Variants in LINGO2 observed in about 807,000 individuals in gnomAD.
LINGO2 encodes leucine-rich repeat and immunoglobulin-like domain-containing nogo receptor-interacting protein 2.
LINGO2 carries 14 observed loss-of-function variants against 30.6 expected under a neutral mutation model. The observed-to-expected ratio is 0.46, with a 90% confidence interval of 0.30 to 0.72. The LOEUF is 0.72. LINGO2 is among the 30% of genes least tolerant of loss of function. LINGO2 has a pLI of 0.07. For synonymous variants in LINGO2, 317 were observed against 288.5 expected (o/e 1.10, Z -1.00); for missense variants, 729 against 751.7 (o/e 0.97, Z 0.35).
the LINGO2 span, among the ~76,000 whole-genome samples, chr9:28,885,620 C>T: frequency 6.3e-4 from 95 of 151,988 alleles, no homozygotes; most frequent in East Asian, 0.017. Context: ...ATAAAAAATG[C>T]ATTTGAAGTA....
chr9:28,698,170 G>C, the LINGO2 span, among the ~76,000 whole-genome samples: 3,672 of 151,918 alleles, frequency 0.024, 157 homozygotes, highest in African/African-American at 0.081. Flanking sequence ...CTGAGATGAT[G>C]GACATTGGTT....
At chr9:28,520,990 G>T (rs950549177) in intron 1 of LINGO2, among the ~76,000 whole-genome samples, 1 of 152,012 alleles carries the variant, frequency 6.6e-6, no homozygotes, top group South Asian at 2.1e-4. Flanking sequence ...GTTCTCAATG[G>T]CTGGATGTGT....
At chr9:28,615,037 G>T (rs1826078100) in intron 1 of LINGO2, among the ~76,000 whole-genome samples, 2 of 151,990 alleles carry the variant, frequency 1.3e-5, no homozygotes. Context: ...CATCTTCTTT[G>T]TATGGAAAAT....
intron 2 of LINGO2, among the ~76,000 whole-genome samples, chr9:28,392,483 G>A (rs1405417787): frequency 6.6e-6 from 1 of 152,150 alleles, no homozygotes; most frequent in Non-Finnish European, 1.5e-5. Context: ...CCTCATATGG[G>A]TGATGTTAAA....
chr9:29,181,748 C>T, the LINGO2 span, among the ~76,000 whole-genome samples: 1 of 151,926 alleles, frequency 6.6e-6, no homozygotes, highest in South Asian at 2.1e-4. Context: ...TAGAGCCAGC[C>T]AATGTGACGT....
At chr9:28,170,056 G>C (rs923068271) in intron 4 of LINGO2, among the ~76,000 whole-genome samples, 53 of 152,180 alleles carry the variant, frequency 3.5e-4, no homozygotes, top group African/African-American at 1.3e-3. Context: ...GAAGTTCCAA[G>C]GAGGCAAGAA....
At chr9:28,083,921 G>C (rs72724973) in intron 4 of LINGO2, among the ~76,000 whole-genome samples, 13,334 of 151,974 alleles carry the variant, frequency 0.088, 824 homozygotes, top group Middle Eastern at 0.18. Flanking sequence ...AAATAATAAG[G>C]GTAATTGTAC....
rs72213590 is a variant in LINGO2, at chr9:28,441,251, C to CT, written c.-279+34688dup. On this transcript the variant is annotated intron_variant, in intron 2 of 5. Transcript: ENST00000379992. ...TATAGCAGTATAAATTCATTGGAGGCTTTTTTTTTTTTTTTTTTTTTTTTT... is the reference window on the plus strand; with the variant it reads ...TATAGCAGTATAAATTCATTGGAGGCTTTTTTTTTTTTTTTTTTTTTTTTTT... 3.5e-3 allele frequency among the ~76,000 whole-genome samples: 128 copies of CT among 36,284 alleles called. 42 individuals carry two copies. The highest frequency in any genetic ancestry group is 5.0e-3 in the Admixed American group (11 of 2,198). 23.8% of individuals were successfully genotyped at this position (36,284 alleles called of 152,430 possible). A position where few individuals can be genotyped will look rare whatever the true frequency, so the allele number is the denominator to read the frequency against.
chr9:28,479,789 T>C (rs1246453051), intron 1 of LINGO2, among the ~76,000 whole-genome samples: 4 of 150,304 alleles, frequency 2.7e-5, no homozygotes, highest in African/African-American at 9.7e-5. Context: ...ATAATGACTA[T>C]TTCTCCCATA....
chr9:28,301,636 AC>A (rs145512087), intron 3 of LINGO2, among the ~76,000 whole-genome samples: 15,402 of 152,174 alleles, frequency 0.1, 992 homozygotes, highest in Middle Eastern at 0.26. Flanking sequence ...TTTTCCCACA[AC>A]TTTTAATGTA....
the LINGO2 span, among the ~76,000 whole-genome samples, chr9:28,755,797 G>A: frequency 6.6e-6 from 1 of 152,198 alleles, no homozygotes; most frequent in South Asian, 2.1e-4. Flanking sequence ...CGTGTCTGCA[G>A]TAAAGGTCTA....
intron 4 of LINGO2, among the ~76,000 whole-genome samples, chr9:28,164,297 C>T (rs558312649): frequency 1.6e-4 from 25 of 152,092 alleles, no homozygotes; most frequent in Non-Finnish European, 3.2e-4. Context: ...ATACTAGACA[C>T]TGTGGTAAAA....
chr9:28,411,293 G>C (rs1822751328), intron 2 of LINGO2, among the ~76,000 whole-genome samples: 1 of 151,944 alleles, frequency 6.6e-6, no homozygotes, highest in Non-Finnish European at 1.5e-5. Context: ...CAAGTTTTCT[G>C]AGTGGCAAAA....
chr9:28,054,434 C>T (rs1039829019), intron 4 of LINGO2, among the ~76,000 whole-genome samples: 8 of 152,182 alleles, frequency 5.3e-5, no homozygotes, highest in African/African-American at 7.2e-5. Flanking sequence ...TGGATCTCCA[C>T]GTTACTGCTA....
Position 28,525,826 on chromosome 9 carries a change from T to G in LINGO2, c.-364-49801A>C, listed in dbSNP as rs369063736. On this transcript the variant is annotated intron_variant, in intron 1 of 5. Coordinates refer to ENST00000379992, the Ensembl canonical transcript of LINGO2. Reference sequence around the variant, plus strand: ...ATCTCAGCACTTTGGGAGGCCAAGGTGGGCGGATCACGAGGTCAGGAGATG... The same window carrying G: ...ATCTCAGCACTTTGGGAGGCCAAGGGGGGCGGATCACGAGGTCAGGAGATG... Among the ~76,000 whole-genome samples the G allele has an allele frequency of 1.3e-4, 20 of 152,028 alleles. 1 individual carries two copies. In the East Asian group the frequency reaches 2.5e-3, roughly 19 times the overall value.
chr9:28,579,121 T>G (rs1351308659), intron 1 of LINGO2, among the ~76,000 whole-genome samples: 1 of 151,918 alleles, frequency 6.6e-6, no homozygotes, highest in African/African-American at 2.4e-5. Context: ...CTATCCATCC[T>G]TTATGGAAAT....
chr9:28,218,281 AT>A (rs5897278), intron 4 of LINGO2, among the ~76,000 whole-genome samples: 2 of 149,196 alleles, frequency 1.3e-5, no homozygotes, highest in African/African-American at 4.9e-5. Context: ...TGAATTTCTA[AT>A]TTTTTTTTTA....
chr9:28,873,636 A>G, the LINGO2 span, among the ~76,000 whole-genome samples: 1 of 152,104 alleles, frequency 6.6e-6, no homozygotes, highest in Non-Finnish European at 1.5e-5. Flanking sequence ...CTTTGTAACT[A>G]TAAAGCCCCC....
the LINGO2 span, among the ~76,000 whole-genome samples, chr9:29,169,892 G>C: frequency 1.8e-3 from 278 of 152,258 alleles, 2 homozygotes; most frequent in South Asian, 0.011. Flanking sequence ...CAGCTACTCA[G>C]GAGGCTGAGG....
Sources: allele counts gnomAD v4.1 joint callset (sites outside exome capture counted in the v4.1 genomes callset), GRCh38; gene constraint gnomAD v4.1.1; transcripts MANE v1.5; gene names NCBI Gene and HGNC (gene_info 2026-07-23, HGNC 2026-07-21).